The following UTRN variants were observed in gnomAD, a reference collection of about 807,000 sequenced individuals.
UTRN encodes the protein dystrophin-related protein 1.
Under a neutral mutation model 463.9 loss-of-function variants are expected in UTRN, and 283 were observed. The observed-to-expected ratio is 0.61, with a 90% CI of 0.55 to 0.67. The LOEUF is 0.67. Ranked by LOEUF, UTRN falls within the 30% of genes least tolerant of loss-of-function variation. The pLI is 0.00. For missense variants in UTRN, 3,922 were observed against 4,084.3 expected (o/e 0.96, Z 1.08); for synonymous variants, 1,442 against 1,431.5 (o/e 1.01, Z -0.17).
At chr6:144,846,491 A>G (rs1015834084) in intron 73 of UTRN, among the ~76,000 whole-genome samples, 2 of 152,222 alleles carry the variant, frequency 1.3e-5, no homozygotes, top group Admixed American at 6.5e-5. Flanking sequence ...TACATAAACC[A>G]AATACACAGT....
intron 33 of UTRN, among the ~76,000 whole-genome samples, chr6:144,496,074 T>A (rs1349399481): frequency 6.6e-6 from 1 of 152,178 alleles, no homozygotes; most frequent in East Asian, 1.9e-4. Context: ...TTTTAGTGAA[T>A]CCATGCAGGA....
At chr6:144,500,669 A>G (rs1045576642) in intron 34 of UTRN, among the ~76,000 whole-genome samples, 3 of 152,226 alleles carry the variant, frequency 2.0e-5, no homozygotes, top group Non-Finnish European at 2.9e-5. Context: ...AAAACCAATA[A>G]GTAATCTTTC....
intron 2 of UTRN, among the ~76,000 whole-genome samples, chr6:144,357,724 A>T (rs1355003081): frequency 6.6e-6 from 1 of 152,226 alleles, no homozygotes; most frequent in African/African-American, 2.4e-5. Context: ...CCTCCTTTGA[A>T]TCCACGTAGG....
chr6:144,322,936 C>G (rs1222002968), intron 2 of UTRN, among the ~76,000 whole-genome samples: 1 of 147,152 alleles, frequency 6.8e-6, no homozygotes, highest in African/African-American at 2.5e-5. Flanking sequence ...GAGTGAGACT[C>G]CGTCTCAAAA....
chr6:144,435,096 TAAC>T, intron 9 of UTRN, among the ~76,000 whole-genome samples: 1 of 152,320 alleles, frequency 6.6e-6, no homozygotes. Flanking sequence ...AAGGGAATGT[TAAC>T]AAACCATAGC....
intron 61 of UTRN, among the ~76,000 whole-genome samples, chr6:144,782,872 G>A (rs1775966934): frequency 1.3e-5 from 2 of 152,014 alleles, no homozygotes; most frequent in South Asian, 4.1e-4. Flanking sequence ...GTTCTGGTGG[G>A]AGGTTAAAGT....
chr6:144,666,111 T>G (rs1780363924), intron 51 of UTRN, among the ~76,000 whole-genome samples: 2 of 152,200 alleles, frequency 1.3e-5, no homozygotes, highest in Non-Finnish European at 2.9e-5. Flanking sequence ...AGCTGTGCAG[T>G]GAGAGCCAGC....
At chr6:144,775,206 G>T (rs999473595) in intron 60 of UTRN, among the ~76,000 whole-genome samples, 2 of 152,152 alleles carry the variant, frequency 1.3e-5, no homozygotes, top group Non-Finnish European at 2.9e-5. Context: ...ATATGTTAAG[G>T]TTGAAAAATC....
chr6:144,588,968 A>C (rs916922422), intron 51 of UTRN, among the ~76,000 whole-genome samples: 1 of 152,222 alleles, frequency 6.6e-6, no homozygotes, highest in African/African-American at 2.4e-5. Flanking sequence ...AGTGCATCAG[A>C]GGGTTGCTTT....
intron 2 of UTRN, among the ~76,000 whole-genome samples, chr6:144,401,474 A>C (rs140275186): frequency 6.6e-6 from 1 of 152,270 alleles, no homozygotes; most frequent in African/African-American, 2.4e-5. Flanking sequence ...TAAATGGCTT[A>C]TGTGGCCTTG....
Position 144,536,898 on chromosome 6 carries a change from A to G in UTRN, c.6234-684A>G, listed in dbSNP as rs531202660. On this transcript the variant is annotated intron_variant, in intron 43 of 74. Transcript: ENST00000367545. ...TTATAACACTATAAAGATCTAATTG[A>G]GGCAGTTCCTTTTTTATATTCATTT... Among the ~76,000 whole-genome samples the G allele has an allele frequency of 2.6e-5, 4 of 152,162 alleles. No individual in the cohort carries two copies. In the South Asian group the frequency reaches 8.3e-4, roughly 32 times the overall value.
At chr6:144,414,189 G>A (rs1290495297) in intron 3 of UTRN, among the ~76,000 whole-genome samples, 1 of 151,930 alleles carries the variant, frequency 6.6e-6, no homozygotes, top group African/African-American at 2.4e-5. Context: ...AGGTGTCCCA[G>A]AAGAAGGCAT....
At position 144,471,211 on chromosome 6, in the gene UTRN, A is replaced by G. The variant is rs986817824; in HGVS notation, c.3067-2509A>G. 6.6e-5 allele frequency among the ~76,000 whole-genome samples: 10 copies of G among 151,698 alleles called. No homozygotes were observed. The East Asian group carries it at 1.4e-3, about 21-fold the overall frequency. On this transcript the variant is annotated intron_variant, in intron 23 of 74. Coordinates refer to ENST00000367545, the MANE Select transcript of UTRN (RefSeq NM_007124.3). ...CCTGATGGGTCTGCGTGTATTAGAG[A>G]GAGGGTGGGAAGGAGGGAGGAGGGA...
chr6:144,509,965 C>T (rs886689155), intron 34 of UTRN, among the ~76,000 whole-genome samples: 1 of 152,000 alleles, frequency 6.6e-6, no homozygotes, highest in African/African-American at 2.4e-5. Context: ...TTTATTTTCT[C>T]CCCCCTTGCT....
At chr6:144,327,054 C>G (rs543421355) in intron 2 of UTRN, among the ~76,000 whole-genome samples, 20 of 152,254 alleles carry the variant, frequency 1.3e-4, no homozygotes, top group Admixed American at 1.1e-3. Flanking sequence ...TTTTAGGCTT[C>G]TGTCTGCTGT....
Position 144,437,594 on chromosome 6 carries a change from G to T in UTRN, c.1089G>T (p.Gln363His). ...TTATGATGGAACTGACTGCACACCA[G>T]AGCAGTGTGGGCAGCGTCCTGCAGG... ...EAFMMELTAH[Q>H]SSVGSVLQAG... The change falls in exon 11 of 75, where the codon CAG (glutamine) becomes CAT (histidine). Residue 363 changes from glutamine (Q) to histidine (H), a missense_variant. Coordinates refer to ENST00000367545, the MANE Select transcript of UTRN (RefSeq NM_007124.3). The T allele has an allele frequency of 1.2e-6, 2 of 1,613,456 alleles. No homozygotes were observed. Among genetic ancestry groups the T allele is most frequent in the Non-Finnish European group, 1.7e-6 (2 of 1,179,856 alleles).
intron 54 of UTRN, among the ~76,000 whole-genome samples, chr6:144,732,239 C>CACATATAT (rs1562832398): frequency 1.1e-3 from 122 of 116,042 alleles, no homozygotes; most frequent in Non-Finnish European, 1.8e-3. Context: ...TATATATATA[C>CACATATAT]ATATATATAT....
chr6:144,467,513 GGTTATCC>G (rs1790079605), intron 23 of UTRN, among the ~76,000 whole-genome samples: 1 of 152,156 alleles, frequency 6.6e-6, no homozygotes, highest in African/African-American at 2.4e-5. Context: ...TCTAAAGCCT[GGTTATCC>G]TAAGTGGCAG....
At chr6:144,838,912 CA>C (rs1394389002) in intron 71 of UTRN, 1 of 348,840 alleles carries the variant, frequency 2.9e-6, no homozygotes, top group African/African-American at 2.1e-5. Flanking sequence ...ATTAAAACAA[CA>C]GAAAAATTGA....
Sources: gnomAD v4.1 joint callset for allele counts (sites outside exome capture counted in the v4.1 genomes callset) on GRCh38, gnomAD v4.1.1 for gene constraint, MANE v1.5 for transcripts, NCBI Gene and HGNC (gene_info 2026-07-23, HGNC 2026-07-21) for gene names.